Variants in SMYD2 observed in about 807,000 individuals in gnomAD.
The protein encoded by SMYD2 is N-lysine methyltransferase SMYD2.
A neutral mutation model predicts 59.1 loss-of-function variants in SMYD2; 53 were observed. The ratio of observed to expected loss-of-function variants is 0.90; its 90% confidence interval spans 0.72 to 1.13. SMYD2 has a LOEUF of 1.13. SMYD2 is among the 50% of genes most tolerant of loss of function. SMYD2 has a pLI of 0.00. For synonymous variants in SMYD2, 208 were observed against 198.8 expected (o/e 1.05, Z -0.39); for missense variants, 494 against 544.7 (o/e 0.91, Z 0.93).
At chr1:214,288,526 G>A (rs1656586665) in intron 1 of SMYD2, among the ~76,000 whole-genome samples, 1 of 152,100 alleles carries the variant, frequency 6.6e-6, no homozygotes, top group Non-Finnish European at 1.5e-5. Flanking sequence ...CTACTGTGTG[G>A]TTCCCTGGAG....
At position 214,336,788 on chromosome 1, in the gene SMYD2, T is replaced by G; in HGVS notation, c.*4T>G. The G allele has an allele frequency of 6.2e-7, 1 of 1,611,158 alleles. No individual in the cohort carries two copies. On this transcript the variant is annotated 3_prime_UTR_variant, in exon 12 of 12. Coordinates refer to ENST00000366957, the MANE Select transcript of SMYD2 (RefSeq NM_020197.3). ...ACAGGAAATTGAAAGCCACTGAAACTATGCAGCATTTCAGTTTTCATTTAA... is the reference window on the plus strand; with the variant it reads ...ACAGGAAATTGAAAGCCACTGAAACGATGCAGCATTTCAGTTTTCATTTAA...
intron 1 of SMYD2, among the ~76,000 whole-genome samples, chr1:214,286,430 T>C (rs1354440993): frequency 6.6e-6 from 1 of 151,894 alleles, no homozygotes. Context: ...GCCATATCAC[T>C]TACTCCAGCC....
chr1:214,281,314 G>A lies in SMYD2; in HGVS notation c.60G>A (p.Gly20=). The A allele has an allele frequency of 2.8e-6, 4 of 1,411,462 alleles. No homozygotes were observed. Among genetic ancestry groups the A allele is most frequent in the South Asian group, 1.7e-5 (1 of 59,662 alleles). The allele number at this position is 1,411,462 out of a possible 1,614,324, so 87.4% of individuals were successfully genotyped here. ...TCTGCAGCCCGGGCAAAGGCCGGGG[G>A]CTGCGGGCTCTGCAGCCCTTCCAGG... is the stretch of plus-strand genomic sequence containing the variant. ...ERFCSPGKGR[G]LRALQPFQVG... is the part of the protein sequence containing the mutation. The change falls in exon 1 of 12, where the codon GGG becomes GGA. Residue 20 remains glycine, a synonymous_variant. Coordinates refer to ENST00000366957, the MANE Select transcript of SMYD2 (RefSeq NM_020197.3).
At chr1:214,327,866 C>G (rs3754135) in intron 7 of SMYD2, 142 bp downstream of exon 7, 78,121 of 631,440 alleles carry the variant, frequency 0.12, 5,623 homozygotes, top group Middle Eastern at 0.2. Flanking sequence ...CCCTCAGGCT[C>G]TCCAGGAGTC....
At chr1:214,314,691 C>T in intron 2 of SMYD2, 71 bp from the exon 3 acceptor site, 1 of 1,147,170 alleles carries the variant, frequency 8.7e-7, no homozygotes, top group Non-Finnish European at 1.3e-6. Context: ...GGACTCACTG[C>T]ATCCTCTCCT....
intron 2 of SMYD2, among the ~76,000 whole-genome samples, chr1:214,313,128 T>A (rs1351690092): frequency 3.3e-5 from 5 of 151,772 alleles, no homozygotes; most frequent in African/African-American, 1.2e-4. Flanking sequence ...CATTTATTTT[T>A]ATTTTTGAGA....
intron 1 of SMYD2, among the ~76,000 whole-genome samples, chr1:214,294,566 G>A (rs1300115332): frequency 1.3e-5 from 2 of 152,174 alleles, no homozygotes; most frequent in African/African-American, 4.8e-5. Context: ...CAGCTGCTTG[G>A]AGGCTGAGGC....
chr1:214,294,366 T>C (rs1304789734), intron 1 of SMYD2, among the ~76,000 whole-genome samples: 1 of 152,202 alleles, frequency 6.6e-6, no homozygotes, highest in Non-Finnish European at 1.5e-5. Context: ...TGTAGGCAAT[T>C]AAAAAGATAA....
intron 3 of SMYD2, among the ~76,000 whole-genome samples, chr1:214,317,141 G>C (rs2102470329): frequency 6.6e-6 from 1 of 152,240 alleles, no homozygotes; most frequent in Non-Finnish European, 1.5e-5. Flanking sequence ...GAAGATTTCT[G>C]CTCCAAAAAA....
At chr1:214,317,947 C>A in intron 3 of SMYD2, 132 bp from the exon 4 acceptor site, 1 of 874,108 alleles carries the variant, frequency 1.1e-6, no homozygotes. Context: ...GTGGTGGAGT[C>A]CTTGAGTAGC....
Position 214,330,371 on chromosome 1 carries a change from G to A in SMYD2, c.816+93G>A, listed in dbSNP as rs1055622479. The A allele has an allele frequency of 4.6e-5, 38 of 822,594 alleles. 1 individual carries two copies. The African/African-American group carries it at 6.4e-4, about 14-fold the overall frequency. The allele number at this position is 822,594 out of a possible 1,614,324, so 51.0% of individuals were successfully genotyped here. Reference sequence around the variant, plus strand: ...TGTCTGACTTGGCGGATCTCCTCTAGGATCTTTTTGACCCTTTAAACCCTC... The same window carrying A: ...TGTCTGACTTGGCGGATCTCCTCTAAGATCTTTTTGACCCTTTAAACCCTC... On this transcript the variant is annotated intron_variant, in intron 8 of 11. Coordinates refer to ENST00000366957, the MANE Select transcript of SMYD2 (RefSeq NM_020197.3).
intron 1 of SMYD2, among the ~76,000 whole-genome samples, chr1:214,304,274 TTGG>T (rs1333835104): frequency 6.6e-6 from 1 of 152,162 alleles, no homozygotes; most frequent in African/African-American, 2.4e-5. Flanking sequence ...AATCTATTTC[TTGG>T]TGGGGGCACG....
chr1:214,293,882 G>A (rs1319002265), intron 1 of SMYD2, among the ~76,000 whole-genome samples: 1 of 151,944 alleles, frequency 6.6e-6, no homozygotes, highest in East Asian at 1.9e-4. Context: ...CTCCATGTTG[G>A]TCTGGCTGGT....
chr1:214,295,090 A>G (rs1400393136), intron 1 of SMYD2, among the ~76,000 whole-genome samples: 1 of 152,198 alleles, frequency 6.6e-6, no homozygotes, highest in Non-Finnish European at 1.5e-5. Context: ...ACTGAGTTAG[A>G]AAGGCATTCG....
At chr1:214,293,386 A>G (rs571588068) in intron 1 of SMYD2, among the ~76,000 whole-genome samples, 2 of 152,268 alleles carry the variant, frequency 1.3e-5, no homozygotes, top group Non-Finnish European at 2.9e-5. Flanking sequence ...CAGCCCACAC[A>G]GCTTTCATTT....
chr1:214,317,472 T>C (rs187196617), intron 3 of SMYD2, among the ~76,000 whole-genome samples: 1 of 152,366 alleles, frequency 6.6e-6, no homozygotes, highest in African/African-American at 2.4e-5. Flanking sequence ...AGACATGGCC[T>C]TGGGCCAGCT....
intron 3 of SMYD2, among the ~76,000 whole-genome samples, chr1:214,317,744 T>C (rs1259587928): frequency 6.6e-6 from 1 of 152,198 alleles, no homozygotes; most frequent in Non-Finnish European, 1.5e-5. Flanking sequence ...AAATAATAAA[T>C]AGGATGGTTT....
At chr1:214,327,496 C>A (rs1657281663) in intron 6 of SMYD2, 126 bp from the exon 7 acceptor site, 5 of 733,098 alleles carry the variant, frequency 6.8e-6, no homozygotes, top group Admixed American at 2.1e-5. Context: ...TGATAGCCAA[C>A]TATTAGATTT....
chr1:214,324,060 TG>T (rs1434442255), intron 5 of SMYD2, among the ~76,000 whole-genome samples: 1 of 152,204 alleles, frequency 6.6e-6, no homozygotes, highest in African/African-American at 2.4e-5. Context: ...CCCAAGTAGC[TG>T]GGATTACAGG....
Sources: gnomAD v4.1 joint callset for allele counts (sites outside exome capture counted in the v4.1 genomes callset) on GRCh38, gnomAD v4.1.1 for gene constraint, MANE v1.5 for transcripts, NCBI Gene and HGNC (gene_info 2026-07-23, HGNC 2026-07-21) for gene names.